Variants in PLPPR1 observed in about 807,000 individuals in gnomAD.
The protein encoded by PLPPR1 is phospholipid phosphatase related 1.
A neutral mutation model predicts 33.1 loss-of-function variants in PLPPR1; 10 were observed. That is an observed-to-expected ratio of 0.30 (90% CI 0.19 to 0.51). PLPPR1 has a LOEUF of 0.51. Ranked by LOEUF, PLPPR1 falls within the 20% of genes least tolerant of loss-of-function variation. The pLI, the probability that PLPPR1 is intolerant of heterozygous loss-of-function variation, is 0.97. For missense variants in PLPPR1, 304 were observed against 408.1 expected (o/e 0.74, Z 2.20); for synonymous variants, 151 against 151.0 (o/e 1.00, Z 0.00).
intron 1 of PLPPR1, among the ~76,000 whole-genome samples, chr9:101,068,369 C>G: frequency 6.6e-6 from 1 of 151,994 alleles, no homozygotes; most frequent in Non-Finnish European, 1.5e-5. Context: ...ACAGAGCAGA[C>G]AAGTCCCGGT....
chr9:101,158,855 A>G (rs1402863276), intron 1 of PLPPR1, among the ~76,000 whole-genome samples: 1 of 152,230 alleles, frequency 6.6e-6, no homozygotes, highest in East Asian at 1.9e-4. Flanking sequence ...CAACTGAAGC[A>G]GTAAGGCTCA....
intron 2 of PLPPR1, among the ~76,000 whole-genome samples, chr9:101,190,551 G>A (rs1339079073): frequency 6.6e-6 from 1 of 152,080 alleles, no homozygotes; most frequent in African/African-American, 2.4e-5. Flanking sequence ...GCAGAGTTTT[G>A]ACTTGGGGAT....
intron 6 of PLPPR1, among the ~76,000 whole-genome samples, chr9:101,314,669 C>T (rs548919056): frequency 1.2e-4 from 18 of 149,362 alleles, no homozygotes; most frequent in African/African-American, 3.2e-4. Context: ...AAAGTGTTGA[C>T]GCAGACACAA....
chr9:101,216,823 C>A (rs1588076935), intron 2 of PLPPR1, among the ~76,000 whole-genome samples: 1 of 152,240 alleles, frequency 6.6e-6, no homozygotes, highest in Non-Finnish European at 1.5e-5. Flanking sequence ...GCCTGTAGCA[C>A]CTTCTCCTTC....
intron 4 of PLPPR1, among the ~76,000 whole-genome samples, chr9:101,302,080 G>A (rs1459940051): frequency 6.6e-6 from 1 of 152,170 alleles, no homozygotes; most frequent in African/African-American, 2.4e-5. Context: ...TGTAACCCAA[G>A]CTCCTCTACT....
chr9:101,210,759 AGTTTT>A lies in PLPPR1; in HGVS notation c.63+25223_63+25227del, dbSNP rs763255341. Among the ~76,000 whole-genome samples, 165 of 152,132 alleles carry A rather than the reference AGTTTT, an allele frequency of 1.1e-3. 1 individual carries two copies. The highest frequency in any genetic ancestry group is 3.6e-3 in the African/African-American group (149 of 41,494). On this transcript the variant is annotated intron_variant, in intron 2 of 7. Coordinates refer to ENST00000374874, the MANE Select transcript of PLPPR1 (RefSeq NM_207299.2). ...ATATTCATCCTATTATTATAATTAC[AGTTTT>A]GTTTTGTTTTGTTTTGTTTTTGAGA...
chr9:101,203,940 A>G (rs1712284200), intron 2 of PLPPR1, among the ~76,000 whole-genome samples: 1 of 152,050 alleles, frequency 6.6e-6, no homozygotes, highest in Non-Finnish European at 1.5e-5. Flanking sequence ...AGAAAGAGTT[A>G]TGTCTTTGTT....
chr9:101,062,149 G>GGTTGT (rs374602198), intron 1 of PLPPR1, among the ~76,000 whole-genome samples: 27 of 148,550 alleles, frequency 1.8e-4, no homozygotes, highest in African/African-American at 6.4e-4. Flanking sequence ...GACAAAATGT[G>GGTTGT]GTGTGTGTGT....
intron 1 of PLPPR1, among the ~76,000 whole-genome samples, chr9:101,078,917 A>G (rs559588080): frequency 1.3e-5 from 2 of 152,168 alleles, no homozygotes; most frequent in Non-Finnish European, 2.9e-5. Context: ...CACAAAGATT[A>G]ATTAATGTCA....
At chr9:101,217,563 G>C (rs970944020) in intron 2 of PLPPR1, among the ~76,000 whole-genome samples, 1 of 152,118 alleles carries the variant, frequency 6.6e-6, no homozygotes. Context: ...CTACCTGTGG[G>C]CCATACAATC....
intron 1 of PLPPR1, among the ~76,000 whole-genome samples, chr9:101,066,172 A>C (rs1286323569): frequency 3.9e-5 from 6 of 151,962 alleles, no homozygotes; most frequent in Non-Finnish European, 8.8e-5. Flanking sequence ...TATTTCATAT[A>C]ATGTTTTTCA....
At chr9:101,145,357 A>C (rs393679) in intron 1 of PLPPR1, among the ~76,000 whole-genome samples, 72,316 of 152,064 alleles carry the variant, frequency 0.48, 17,774 homozygotes, top group Non-Finnish European at 0.54. Flanking sequence ...TACAAATTTT[A>C]AACATCATAT....
chr9:101,289,548 C>T (rs992386393), intron 4 of PLPPR1, among the ~76,000 whole-genome samples: 1 of 152,332 alleles, frequency 6.6e-6, no homozygotes, highest in East Asian at 1.9e-4. Flanking sequence ...GTGAGAGGGA[C>T]CTGGTAGGAG....
At position 101,294,587 on chromosome 9, in the gene PLPPR1, C is replaced by G. The variant is rs558297737; in HGVS notation, c.385+8351C>G. ...TGGCAAACCGAATCCAGCAGCACATCAAAAAGCTTATCCACCATGATCAAG... is the reference window on the plus strand; with the variant it reads ...TGGCAAACCGAATCCAGCAGCACATGAAAAAGCTTATCCACCATGATCAAG... On this transcript the variant is annotated intron_variant, in intron 4 of 7. Transcript: ENST00000374874. 1.5e-4 allele frequency among the ~76,000 whole-genome samples: 22 copies of G among 151,436 alleles called. No homozygotes were observed. The East Asian group carries it at 4.1e-3, about 28-fold the overall frequency.
At chr9:101,175,446 G>C (rs927633113) in intron 1 of PLPPR1, among the ~76,000 whole-genome samples, 2 of 152,030 alleles carry the variant, frequency 1.3e-5, no homozygotes, top group African/African-American at 4.8e-5. Flanking sequence ...TAAAAAGTGG[G>C]TCCTAGGCAC....
chr9:101,279,451 G>C (rs529649321), intron 3 of PLPPR1, among the ~76,000 whole-genome samples: 1 of 152,220 alleles, frequency 6.6e-6, no homozygotes, highest in African/African-American at 2.4e-5. Context: ...AAGGAACATT[G>C]ATCTTAATCT....
chr9:101,157,863 G>A (rs1395710506), intron 1 of PLPPR1, among the ~76,000 whole-genome samples: 1 of 151,994 alleles, frequency 6.6e-6, no homozygotes. Context: ...AATTAGCTGG[G>A]CCTGGTTGTA....
At chr9:101,230,037 T>G (rs1482754677) in intron 2 of PLPPR1, among the ~76,000 whole-genome samples, 1 of 152,108 alleles carries the variant, frequency 6.6e-6, no homozygotes, top group Non-Finnish European at 1.5e-5. Flanking sequence ...CTGTCAGAGA[T>G]CATTACAGAT....
At chr9:101,269,209 T>G (rs1828050837) in intron 2 of PLPPR1, among the ~76,000 whole-genome samples, 1 of 152,110 alleles carries the variant, frequency 6.6e-6, no homozygotes, top group African/African-American at 2.4e-5. Flanking sequence ...TTTTTATGTC[T>G]GTCTAAATCT....
Sources: allele counts gnomAD v4.1 joint callset (sites outside exome capture counted in the v4.1 genomes callset), GRCh38; gene constraint gnomAD v4.1.1; transcripts MANE v1.5; gene names NCBI Gene and HGNC (gene_info 2026-07-23, HGNC 2026-07-21).